Variants in ARSK observed in about 807,000 individuals in gnomAD.
ARSK encodes the protein arylsulfatase K.
In ARSK, 37 loss-of-function variants were observed where a neutral mutation model predicts 53.2. That is an observed-to-expected ratio of 0.70 (90% CI 0.54 to 0.92). The LOEUF (loss-of-function observed/expected upper bound fraction) is 0.92. Ranked by LOEUF, ARSK falls within the 40% of genes least tolerant of loss-of-function variation. ARSK has a pLI of 0.00. For synonymous variants in ARSK, 208 were observed against 223.2 expected (o/e 0.93, Z 0.61); for missense variants, 613 against 643.0 (o/e 0.95, Z 0.51).
chr5:95,585,314 A>G (rs943822280), intron 4 of ARSK, among the ~76,000 whole-genome samples: 1 of 152,218 alleles, frequency 6.6e-6, no homozygotes, highest in African/African-American at 2.4e-5. Flanking sequence ...CAATCCCACT[A>G]CATGGTATCT....
chr5:95,573,314 A>T (rs995010855), intron 3 of ARSK, among the ~76,000 whole-genome samples: 1 of 152,190 alleles, frequency 6.6e-6, no homozygotes, highest in African/African-American at 2.4e-5. Context: ...TATACGGAAA[A>T]TTTTAAAAAC....
At chr5:95,558,171 G>C (rs1748559959) in intron 1 of ARSK, among the ~76,000 whole-genome samples, 1 of 152,186 alleles carries the variant, frequency 6.6e-6, no homozygotes, top group African/African-American at 2.4e-5. Flanking sequence ...CTGAGAAGTT[G>C]AGGGCTCCCT....
chr5:95,603,116 C>A, intron 7 of ARSK, 121 bp from the exon 8 acceptor site: 1 of 749,124 alleles, frequency 1.3e-6, no homozygotes, highest in Non-Finnish European at 2.0e-6. Flanking sequence ...CTTCATTTTA[C>A]TACACTAACA....
chr5:95,603,163 C>A, intron 7 of ARSK, 74 bp from the exon 8 acceptor site: 1 of 1,144,998 alleles, frequency 8.7e-7, no homozygotes, highest in Admixed American at 2.9e-5. Flanking sequence ...TAATACATTA[C>A]CTGTCATAAT....
rs1749462092 is a variant in ARSK, at chr5:95,604,202, T to C, written c.*676T>C. ...TGCTCGATGAGTTACTTGTATTTGA[T>C]GGGATTGTTTGGATGTATTTAATGG... is the stretch of plus-strand genomic sequence containing the variant. On this transcript the variant is annotated 3_prime_UTR_variant, in exon 8 of 8. Coordinates refer to ENST00000380009, the MANE Select transcript of ARSK (RefSeq NM_198150.3). 1.3e-5 allele frequency: 2 copies of C among 152,234 alleles called. No homozygotes were observed. The highest frequency in any genetic ancestry group is 2.4e-5 in the African/African-American group (1 of 41,466). The allele number at this position is 152,234 out of a possible 1,614,324, so 9.4% of individuals were successfully genotyped here. A position where few individuals can be genotyped will look rare whatever the true frequency, so the allele number is the denominator to read the frequency against.
chr5:95,573,519 A>C (rs965900411), intron 3 of ARSK, among the ~76,000 whole-genome samples: 2 of 152,216 alleles, frequency 1.3e-5, no homozygotes, highest in Admixed American at 1.3e-4. Flanking sequence ...AATAGCAATC[A>C]CAGCACAAAA....
At chr5:95,576,896 T>A (rs1473981140) in intron 3 of ARSK, among the ~76,000 whole-genome samples, 1 of 152,164 alleles carries the variant, frequency 6.6e-6, no homozygotes, top group Non-Finnish European at 1.5e-5. Flanking sequence ...CTTTCTAAAT[T>A]TAAATTCTGT....
At chr5:95,592,355 TTAAAA>T (rs1749232888) in intron 6 of ARSK, among the ~76,000 whole-genome samples, 1 of 152,190 alleles carries the variant, frequency 6.6e-6, no homozygotes, top group Admixed American at 6.6e-5. Flanking sequence ...TTCAGAAATG[TTAAAA>T]TGTGAAAGAA....
chr5:95,589,535 T>C (rs1324556722), intron 5 of ARSK, among the ~76,000 whole-genome samples: 1 of 152,228 alleles, frequency 6.6e-6, no homozygotes, highest in African/African-American at 2.4e-5. Context: ...AGTGTTTGGT[T>C]TTCTGTTCCT....
At chr5:95,558,178 C>T (rs1748560010) in intron 1 of ARSK, among the ~76,000 whole-genome samples, 1 of 152,152 alleles carries the variant, frequency 6.6e-6, no homozygotes, top group South Asian at 2.1e-4. Flanking sequence ...GTTGAGGGCT[C>T]CCTTACTTCA....
At chr5:95,556,873 G>A (rs1256532461) in intron 1 of ARSK, 1 of 152,054 alleles carries the variant, frequency 6.6e-6, no homozygotes, top group Non-Finnish European at 1.5e-5. Context: ...AGCCGGGCGT[G>A]GTTTCGGGCG....
intron 2 of ARSK, among the ~76,000 whole-genome samples, chr5:95,567,134 C>A (rs1748737998): frequency 6.6e-6 from 1 of 152,262 alleles, no homozygotes; most frequent in East Asian, 1.9e-4. Flanking sequence ...TTCTGAGCAT[C>A]ACATTAAATA....
At chr5:95,595,039 T>C (rs1169608029) in intron 6 of ARSK, among the ~76,000 whole-genome samples, 1 of 152,186 alleles carries the variant, frequency 6.6e-6, no homozygotes, top group Non-Finnish European at 1.5e-5. Flanking sequence ...TGGATATTTA[T>C]TACCATATTA....
intron 1 of ARSK, among the ~76,000 whole-genome samples, chr5:95,564,717 G>T (rs966988907): frequency 6.6e-6 from 1 of 152,046 alleles, no homozygotes; most frequent in Admixed American, 6.6e-5. Context: ...CCTCTTTCTT[G>T]GCACACTGCC....
chr5:95,556,271 A>G, intron 1 of ARSK: 1 of 701,280 alleles, frequency 1.4e-6, no homozygotes, highest in East Asian at 2.7e-5. Flanking sequence ...AATATTACTT[A>G]AAGTTATCTT....
chr5:95,591,161 A>G (rs1749208308), intron 5 of ARSK, among the ~76,000 whole-genome samples: 2 of 152,146 alleles, frequency 1.3e-5, no homozygotes, highest in Non-Finnish European at 2.9e-5. Context: ...TCTCCAGATA[A>G]GCAGCTTTGA....
chr5:95,588,512 G>T (rs550918810), intron 5 of ARSK, among the ~76,000 whole-genome samples: 1 of 149,210 alleles, frequency 6.7e-6, no homozygotes, highest in Non-Finnish European at 1.5e-5. Context: ...ATGAGCCACC[G>T]CGACTGGCCT....
At position 95,579,166 on chromosome 5, in the gene ARSK, A is replaced by C. The variant is rs543460644; in HGVS notation, c.417-3750A>C. ...AGGATTTCTGCAGAAAAAAATTCTT[A>C]AACTGTGCATCTCAAACCTTAATAT... On this transcript the variant is annotated intron_variant, in intron 3 of 7. Transcript: ENST00000380009. Among the ~76,000 whole-genome samples, 16 of 152,276 alleles carry C rather than the reference A, an allele frequency of 1.1e-4. No individual in the cohort carries two copies. In the South Asian group the frequency reaches 3.1e-3, roughly 30 times the overall value.
chr5:95,576,165 A>G (rs1265472430), intron 3 of ARSK, among the ~76,000 whole-genome samples: 1 of 149,212 alleles, frequency 6.7e-6, no homozygotes, highest in Non-Finnish European at 1.5e-5. Flanking sequence ...TTCGTCCTTC[A>G]TTCTGTTGAT....
Sources: allele counts gnomAD v4.1 joint callset (sites outside exome capture counted in the v4.1 genomes callset), GRCh38; gene constraint gnomAD v4.1.1; transcripts MANE v1.5; gene names NCBI Gene and HGNC (gene_info 2026-07-23, HGNC 2026-07-21).